The following FMN2 variants were observed in gnomAD, a reference collection of about 807,000 sequenced individuals.
FMN2 encodes formin 2, also known as formin-2.
FMN2 carries 51 observed loss-of-function variants against 142.3 expected under a neutral mutation model. The observed-to-expected ratio is 0.36, with a 90% CI of 0.29 to 0.45. The LOEUF is 0.45. Ranked by LOEUF, FMN2 falls within the 20% of genes least tolerant of loss-of-function variation. FMN2 has a pLI of 1.00. For synonymous variants in FMN2, 882 were observed against 869.8 expected, an observed-to-expected ratio of 1.01 and a Z score of -0.25; for missense variants, 1,936 against 2,122.8, an observed-to-expected ratio of 0.91 and a Z score of 1.73.
chr1:240,134,401 A>G (rs1662855520), intron 2 of FMN2, among the ~76,000 whole-genome samples: 2 of 152,068 alleles, frequency 1.3e-5, no homozygotes, highest in Admixed American at 1.3e-4. Context: ...AGGCAGGAGG[A>G]TCGCTTGAGC....
In FMN2 at chr1:240,459,717, T is replaced by TAAAA. The variant is rs57065226; in HGVS notation, c.5061-12620_5061-12617dup. Among the ~76,000 whole-genome samples, 125 of 67,116 alleles carry TAAAA rather than the reference T, an allele frequency of 1.9e-3. 4 individuals carry two copies. Among genetic ancestry groups the TAAAA allele is most frequent in the African/African-American group, 2.5e-3 (49 of 19,472 alleles). The allele number at this position is 67,116 out of a possible 152,430, so 44.0% of individuals were successfully genotyped here. On this transcript the variant is annotated intron_variant, in intron 16 of 17. Coordinates refer to ENST00000319653, the MANE Select transcript of FMN2 (RefSeq NM_020066.5). ...GGGTGACAGAACAAGACTCTGTCTC[T>TAAAA]AAAAAAAAAAAAAAAAAAAAAAAAA...
intron 2 of FMN2, chr1:240,171,278 C>A (rs903030543): frequency 1.3e-6 from 1 of 743,918 alleles, no homozygotes; most frequent in African/African-American, 1.7e-5. Flanking sequence ...AGCATTCGAA[C>A]TGTTGTGAAG....
At chr1:240,388,638 G>T (rs1673493353) in intron 14 of FMN2, among the ~76,000 whole-genome samples, 1 of 151,986 alleles carries the variant, frequency 6.6e-6, no homozygotes, top group Non-Finnish European at 1.5e-5. Context: ...GAGGCAGGTG[G>T]ATCACCTCAG....
intron 14 of FMN2, among the ~76,000 whole-genome samples, chr1:240,378,135 TC>T (rs1314891805): frequency 2.3e-4 from 35 of 151,934 alleles, no homozygotes; most frequent in African/African-American, 8.4e-4. Context: ...CTTTTTTGTT[TC>T]TTTTTTTTAT....
chr1:240,237,218 A>G (rs2102860274), intron 6 of FMN2, among the ~76,000 whole-genome samples: 1 of 152,296 alleles, frequency 6.6e-6, no homozygotes, highest in East Asian at 1.9e-4. Flanking sequence ...TTGATTGCTG[A>G]CTGTCCCTGT....
intron 2 of FMN2, among the ~76,000 whole-genome samples, chr1:240,134,465 A>T (rs1336211118): frequency 2.0e-5 from 3 of 152,038 alleles, no homozygotes; most frequent in Non-Finnish European, 4.4e-5. Flanking sequence ...CTTTACAAAA[A>T]ATTTAAAAAA....
chr1:240,142,283 A>C (rs1002902371), intron 2 of FMN2, among the ~76,000 whole-genome samples: 1 of 152,136 alleles, frequency 6.6e-6, no homozygotes, highest in East Asian at 1.9e-4. Flanking sequence ...AAAAAAATAA[A>C]GCTGCTAGTG....
chr1:240,330,422 G>C (rs572360276), intron 10 of FMN2, among the ~76,000 whole-genome samples, 181 bp from the exon 11 acceptor site: 1 of 152,262 alleles, frequency 6.6e-6, no homozygotes, highest in East Asian at 1.9e-4. Context: ...TTTGTGGGTG[G>C]TGCAACTTTT....
At chr1:240,188,369 C>G in intron 4 of FMN2, 107 bp downstream of exon 4, 1 of 1,093,962 alleles carries the variant, frequency 9.1e-7, no homozygotes, top group Non-Finnish European at 1.4e-6. Context: ...GCTAGGATGC[C>G]CTTGTTTTCC....
intron 8 of FMN2, among the ~76,000 whole-genome samples, chr1:240,318,947 A>G (rs775195374): frequency 1.5e-4 from 23 of 152,192 alleles, no homozygotes; most frequent in Non-Finnish European, 2.8e-4. Flanking sequence ...CTGAAGATTT[A>G]GAGGAAGAAA....
chr1:240,319,491 T>C (rs1361733500), intron 8 of FMN2, among the ~76,000 whole-genome samples: 3 of 152,218 alleles, frequency 2.0e-5, no homozygotes. Context: ...AAAACTAGTA[T>C]TTCCAACAGC....
chr1:240,143,693 G>T, intron 2 of FMN2: 2 of 1,601,288 alleles, frequency 1.2e-6, no homozygotes, highest in South Asian at 1.1e-5. Context: ...AGGTGATTGA[G>T]ACCCAGTCCA....
chr1:240,093,619 G>A lies in FMN2; in HGVS notation c.1510G>A (p.Glu504Lys), dbSNP rs1661092358. 1 of 1,425,678 alleles carries A rather than the reference G, an allele frequency of 7.0e-7. No homozygotes were observed. The highest frequency in any genetic ancestry group is 9.1e-7 in the Non-Finnish European group (1 of 1,100,756). 88.3% of individuals were successfully genotyped at this position (1,425,678 alleles called of 1,614,324 possible). A position where few individuals can be genotyped will look rare whatever the true frequency, so the allele number is the denominator to read the frequency against. ...GGTGGGAGGCTCCGCGCACCTGCTG[G>A]AGCGCGGGGTGGCGAGTGACAGCGG... ...PRVGGSAHLL[E>K]RGVASDSGGG... Residue 504 changes from glutamate to lysine, a missense_variant, in exon 1 of 18, where the codon GAG becomes AAG. Physicochemically the swap from Glu to Lys is moderately conservative, Grantham distance 56. Coordinates refer to ENST00000319653, the MANE Select transcript of FMN2 (RefSeq NM_020066.5).
intron 15 of FMN2, among the ~76,000 whole-genome samples, chr1:240,419,553 G>T (rs557225926): frequency 6.6e-6 from 1 of 152,184 alleles, no homozygotes; most frequent in Non-Finnish European, 1.5e-5. Context: ...AGCTCCCGCA[G>T]TAATGGAAGT....
chr1:240,199,942 G>A (rs568582548), intron 4 of FMN2, among the ~76,000 whole-genome samples: 1 of 152,242 alleles, frequency 6.6e-6, no homozygotes, highest in South Asian at 2.1e-4. Flanking sequence ...TTAGCTTTCC[G>A]TAAACTGTTG....
At chr1:240,330,082 A>C (rs986579583) in intron 10 of FMN2, among the ~76,000 whole-genome samples, 1 of 152,202 alleles carries the variant, frequency 6.6e-6, no homozygotes, top group Non-Finnish European at 1.5e-5. Flanking sequence ...ATGCAAAGTC[A>C]AGTTAAACAC....
At chr1:240,105,104 T>A in intron 1 of FMN2, among the ~76,000 whole-genome samples, 1 of 124,482 alleles carries the variant, frequency 8.0e-6, no homozygotes, top group African/African-American at 3.6e-5. Flanking sequence ...ATGCTTCTTT[T>A]TTTTTTTTTT....
intron 3 of FMN2, among the ~76,000 whole-genome samples, chr1:240,184,519 T>A (rs868798126): frequency 0.024 from 3,391 of 138,678 alleles, 131 homozygotes; most frequent in African/African-American, 0.09. Context: ...CCCGGCCTGT[T>A]TTTTTTTTTT....
At chr1:240,114,235 A>C (rs1326470148) in intron 1 of FMN2, among the ~76,000 whole-genome samples, 2 of 152,234 alleles carry the variant, frequency 1.3e-5, no homozygotes, top group Non-Finnish European at 2.9e-5. Flanking sequence ...AGTATGCTAC[A>C]ATGTCATTCT....
Sources: allele counts gnomAD v4.1 joint callset (sites outside exome capture counted in the v4.1 genomes callset), GRCh38; gene constraint gnomAD v4.1.1; transcripts MANE v1.5; gene names NCBI Gene and HGNC (gene_info 2026-07-23, HGNC 2026-07-21).